SLCO1C1: variants seen among roughly 807,000 people sequenced by gnomAD.
The protein encoded by SLCO1C1 is OAT-RP-5.
SLCO1C1 carries 70 observed loss-of-function variants against 76.4 expected under a neutral mutation model. The observed-to-expected ratio is 0.92, with a 90% CI of 0.76 to 1.12. SLCO1C1 has a LOEUF of 1.12. Ranked by LOEUF, SLCO1C1 falls within the 50% of genes most tolerant of loss-of-function variation. The probability of loss-of-function intolerance (pLI) is 0.00; values close to 1 mark genes in which losing one functional copy is unlikely to be tolerated. For synonymous variants in SLCO1C1, 306 were observed against 286.1 expected (o/e 1.07, Z -0.70); for missense variants, 912 against 823.8 (o/e 1.11, Z -1.31).
intron 6 of SLCO1C1, among the ~76,000 whole-genome samples, chr12:20,716,881 T>A (rs1947385498): frequency 6.6e-6 from 1 of 152,208 alleles, no homozygotes; most frequent in African/African-American, 2.4e-5. Flanking sequence ...AAAATTAATT[T>A]CCTCAGAGTA....
At chr12:20,711,607 A>C in intron 5 of SLCO1C1, 97 bp downstream of exon 5, 2 of 1,339,362 alleles carry the variant, frequency 1.5e-6, no homozygotes, top group East Asian at 2.4e-5. Context: ...TTTTGCTCCC[A>C]AAAGCTTTAC....
chr12:20,731,402 G>A (rs1199079486), intron 9 of SLCO1C1, among the ~76,000 whole-genome samples: 2 of 150,076 alleles, frequency 1.3e-5, no homozygotes, highest in Non-Finnish European at 3.0e-5. Context: ...AACAAACAAA[G>A]GGAAAGAAAG....
At chr12:20,718,231 G>A (rs757393626) in intron 7 of SLCO1C1, among the ~76,000 whole-genome samples, 12 of 152,256 alleles carry the variant, frequency 7.9e-5, no homozygotes, top group Non-Finnish European at 1.8e-4. Flanking sequence ...TTAACATGCA[G>A]CAATAACCTA....
At chr12:20,751,573 C>T (rs974039) in intron 14 of SLCO1C1, among the ~76,000 whole-genome samples, 4 of 151,794 alleles carry the variant, frequency 2.6e-5, no homozygotes, top group Non-Finnish European at 5.9e-5. Flanking sequence ...TGATGCTATG[C>T]GTGAAATTTA....
At chr12:20,702,920 C>A (rs1056828007) in intron 3 of SLCO1C1, among the ~76,000 whole-genome samples, 2 of 151,796 alleles carry the variant, frequency 1.3e-5, no homozygotes, top group Non-Finnish European at 1.5e-5. Flanking sequence ...TTTGTTTGGG[C>A]TCCCAGGTCC....
intron 4 of SLCO1C1, among the ~76,000 whole-genome samples, chr12:20,710,223 T>TTTTTTTTTTTTTTTTTC (rs1555122286): frequency 7.5e-6 from 1 of 133,776 alleles, no homozygotes; most frequent in Non-Finnish European, 1.6e-5. Context: ...TTTTTTTTTT[T>TTTTTTTTTTTTTTTTTC]TTGAGATGGA....
chr12:20,747,136 G>C (rs1013327728), intron 13 of SLCO1C1, among the ~76,000 whole-genome samples: 1 of 152,128 alleles, frequency 6.6e-6, no homozygotes, highest in South Asian at 2.1e-4. Flanking sequence ...ATTAAAGTAA[G>C]AGTTCAGGCT....
intron 7 of SLCO1C1, among the ~76,000 whole-genome samples, chr12:20,721,381 T>C (rs1565519089): frequency 6.6e-6 from 1 of 152,272 alleles, no homozygotes; most frequent in East Asian, 1.9e-4. Context: ...GCCATCAACA[T>C]TGAGATGGGA....
At chr12:20,715,057 A>C (rs1356496260) in intron 5 of SLCO1C1, 82 bp from the exon 6 acceptor site, 7 of 1,528,898 alleles carry the variant, frequency 4.6e-6, no homozygotes, top group Non-Finnish European at 6.2e-6. Context: ...GTTCAGTTTA[A>C]GATATACGGT....
rs1260487773 is a variant in SLCO1C1 at position 20,752,454 on chromosome 12, C to T, written c.2065C>T (p.Gln689Ter). The T allele has an allele frequency of 6.2e-7, 1 of 1,613,110 alleles. No homozygotes were observed. The highest frequency in any genetic ancestry group is 8.5e-7 in the Non-Finnish European group (1 of 1,179,440). ...RERTMVSTRF[Q>*]KENYTTSDHL... ...AAGAACAATGGTGTCTACAAGATTC[C>T]AAAAGGAAAATTACACTACAAGTGA... The change falls in exon 15 of 15, where the codon CAA becomes TAA. Residue 689 changes from glutamine to a stop codon, truncating the protein, a stop_gained. Coordinates refer to ENST00000266509, the MANE Select transcript of SLCO1C1 (RefSeq NM_017435.5). LOFTEE classifies it high-confidence loss of function.
intron 8 of SLCO1C1, 95 bp from the exon 9 acceptor site, chr12:20,722,995 A>G (rs1197598333): frequency 9.1e-6 from 10 of 1,093,798 alleles, no homozygotes; most frequent in African/African-American, 3.1e-5. Flanking sequence ...CTGTGTGACA[A>G]TGGGCCCCAG....
At chr12:20,728,656 C>T (rs1948138795) in intron 9 of SLCO1C1, among the ~76,000 whole-genome samples, 1 of 151,694 alleles carries the variant, frequency 6.6e-6, no homozygotes, top group Non-Finnish European at 1.5e-5. Context: ...GAGAGAAGTT[C>T]TAAAACATCT....
At chr12:20,736,481 G>T (rs927424715) in intron 10 of SLCO1C1, among the ~76,000 whole-genome samples, 3 of 152,056 alleles carry the variant, frequency 2.0e-5, no homozygotes, top group Non-Finnish European at 4.4e-5. Flanking sequence ...GAGTAAGAAA[G>T]GATGCTATAA....
chr12:20,709,108 C>T (rs751892706), intron 4 of SLCO1C1, among the ~76,000 whole-genome samples: 1 of 152,126 alleles, frequency 6.6e-6, no homozygotes, highest in Non-Finnish European at 1.5e-5. Flanking sequence ...AAATTTCATA[C>T]ATCAAAGTCA....
At chr12:20,697,449 C>T (rs1300420238) in intron 1 of SLCO1C1, 1 of 151,998 alleles carries the variant, frequency 6.6e-6, no homozygotes, top group Non-Finnish European at 1.5e-5. Context: ...CATTGTATAA[C>T]TCTGCATTTC....
intron 11 of SLCO1C1, among the ~76,000 whole-genome samples, chr12:20,739,683 A>G (rs1045749944): frequency 1.3e-4 from 20 of 152,154 alleles, no homozygotes; most frequent in African/African-American, 4.8e-4. Flanking sequence ...ATGATGGAGA[A>G]AGTGTAAACT....
intron 1 of SLCO1C1, among the ~76,000 whole-genome samples, chr12:20,698,750 T>G (rs995906892): frequency 6.6e-6 from 1 of 152,068 alleles, no homozygotes; most frequent in African/African-American, 2.4e-5. Flanking sequence ...CTTTGTTTGT[T>G]GAATTCCTTG....
intron 5 of SLCO1C1, among the ~76,000 whole-genome samples, chr12:20,713,008 A>G (rs1177639385): frequency 1.3e-5 from 2 of 152,204 alleles, no homozygotes; most frequent in African/African-American, 4.8e-5. Context: ...TTTAGGTTCA[A>G]ATAAGGAGGC....
chr12:20,709,548 T>C (rs2120662397), intron 4 of SLCO1C1, among the ~76,000 whole-genome samples: 1 of 152,298 alleles, frequency 6.6e-6, no homozygotes, highest in South Asian at 2.1e-4. Flanking sequence ...AAATTATATT[T>C]ACCATGATTT....
Sources: allele counts gnomAD v4.1 joint callset (sites outside exome capture counted in the v4.1 genomes callset), GRCh38; gene constraint gnomAD v4.1.1; transcripts MANE v1.5; gene names NCBI Gene and HGNC (gene_info 2026-07-23, HGNC 2026-07-21).